Variants in LY6G5B observed in about 807,000 individuals in gnomAD.
The protein encoded by LY6G5B is lymphocyte antigen 6 complex locus protein G5b.
Under a neutral mutation model 6.7 loss-of-function variants are expected in LY6G5B, and 6 were observed. The observed-to-expected ratio is 0.89, with a 90% CI of 0.49 to 1.76. LY6G5B has a LOEUF of 1.76. Among genes scored for constraint, LY6G5B ranks in the 40% most tolerant of loss-of-function variants. The pLI is 0.01. For synonymous variants in LY6G5B, 98 were observed against 99.4 expected (o/e 0.99, Z 0.09); for missense variants, 240 against 249.5 (o/e 0.96, Z 0.26).
chr6:31,672,087 C>T, exon 3 of LY6G5B: 1 of 1,613,076 alleles, frequency 6.2e-7, no homozygotes, highest in Non-Finnish European at 8.5e-7. Context: ...AGTGGTTCTA[C>T]CAGGCCCTGA....
At chr6:31,672,514 T>A in exon 3 of LY6G5B, 1 of 578,328 alleles carries the variant, frequency 1.7e-6, no homozygotes, top group Non-Finnish European at 3.0e-6. Context: ...GCATGATCTC[T>A]GCTCACTACA....
chr6:31,672,101 T>C (rs771598116), exon 3 of LY6G5B: 1 of 1,612,858 alleles, frequency 6.2e-7, no homozygotes, highest in East Asian at 2.2e-5. Context: ...GCCCTGAACC[T>C]CTCCCTGCCC....
chr6:31,670,735 G>A (rs974699944), exon 1 of LY6G5B: 2 of 556,980 alleles, frequency 3.6e-6, no homozygotes, highest in South Asian at 2.7e-5. Context: ...GGAACCAGAC[G>A]TTGTGGGTGA....
chr6:31,671,949 G>A (rs1460863971), exon 3 of LY6G5B: 5 of 1,612,978 alleles, frequency 3.1e-6, no homozygotes, highest in African/African-American at 2.7e-5. Context: ...ACTTTGCAGA[G>A]TACTGGTATC....
At chr6:31,670,562 T>C in exon 1 of LY6G5B, 1 of 214,988 alleles carries the variant, frequency 4.7e-6, no homozygotes, top group East Asian at 1.1e-4. Flanking sequence ...GGCCCTGTTG[T>C]ATGACGAAGA....
Position 31,672,121 on chromosome 6 carries a change from T to G in LY6G5B, c.445T>G (p.Phe149Val), listed in dbSNP as rs1231128655. Reference sequence around the variant, plus strand: ...GAACCTCTCCCTGCCCCTCCCCAATTTCCATGCTGGGACGGAGCCTGATGG... The same window carrying G: ...GAACCTCTCCCTGCCCCTCCCCAATGTCCATGCTGGGACGGAGCCTGATGG... Residue 149 changes from phenylalanine to valine, a missense_variant, in exon 3 of 3, where the codon TTC (phenylalanine) becomes GTC (valine). Phe to Val is a conservative substitution (Grantham distance 50). Transcript: ENST00000375864. 1.2e-6 allele frequency: 2 copies of G among 1,613,060 alleles called. No homozygotes were observed. The highest frequency in any genetic ancestry group is 4.5e-5 in the East Asian group (2 of 44,880).
At chr6:31,672,509 A>T (rs778465451) in exon 3 of LY6G5B, 1 of 590,184 alleles carries the variant, frequency 1.7e-6, no homozygotes, top group South Asian at 2.2e-5. Flanking sequence ...CAGTGGCATG[A>T]TCTCTGCTCA....
rs143276840 is a variant in LY6G5B at position 31,672,421 on chromosome 6, A to G, written c.*139A>G. 2,065 of 985,838 alleles carry G rather than the reference A, an allele frequency of 2.1e-3. 28 individuals are homozygous for G. In the African/African-American group the frequency reaches 0.027, roughly 13 times the overall value. 61.1% of individuals were successfully genotyped at this position (985,838 alleles called of 1,614,324 possible). A position where few individuals can be genotyped will look rare whatever the true frequency, so the allele number is the denominator to read the frequency against. ...ACTAGCATCTATATGACTTTTGTGT[A>G]ATTTTCTCTCTTGAACTCTGGTGCT... On this transcript the variant is annotated 3_prime_UTR_variant, in exon 3 of 3. Coordinates refer to ENST00000375864, the Ensembl canonical transcript of LY6G5B.
In LY6G5B at chr6:31,671,183, ACTTCTGCCTCGTAGAAGACC is replaced by A. The variant is rs922738171; in HGVS notation, c.93_112del (p.Leu32ArgfsTer25). On this transcript the variant is annotated frameshift_variant, in exon 2 of 3. Transcript: ENST00000375864. LOFTEE classifies it high-confidence loss of function. ...CCTGTTCCCGACATCCGGACGTGCC[ACTTCTGCCTCGTAGAAGACC>A]CTTCTGTAGGATGCATTTCAGGCTC... is the stretch of plus-strand genomic sequence containing the variant. The A allele has an allele frequency of 4.0e-5, 65 of 1,613,918 alleles. 1 individual carries two copies. The highest frequency in any genetic ancestry group is 5.2e-5 in the Non-Finnish European group (61 of 1,180,002).
exon 3 of LY6G5B, chr6:31,673,124 G>T (rs1802352268): frequency 6.6e-6 from 1 of 152,052 alleles, no homozygotes; most frequent in Non-Finnish European, 1.5e-5. Flanking sequence ...AAATCAGCTG[G>T]GTGTGGTGGC....
chr6:31,670,966 C>T (rs767240388), exon 1 of LY6G5B: 11 of 1,610,868 alleles, frequency 6.8e-6, no homozygotes, highest in Non-Finnish European at 9.3e-6. Context: ...GGTCCATATG[C>T]TTGTAGGTGT....
At chr6:31,671,906 T>G in exon 3 of LY6G5B, 1 of 1,613,062 alleles carries the variant, frequency 6.2e-7, no homozygotes, top group Non-Finnish European at 8.5e-7. Context: ...GGACAGTACA[T>G]TTCCTACCGC....
exon 3 of LY6G5B, chr6:31,671,940 C>T: frequency 1.2e-6 from 2 of 1,613,124 alleles, no homozygotes; most frequent in Non-Finnish European, 1.7e-6. Flanking sequence ...GCAACACCTA[C>T]TTTGCAGAGT....
exon 1 of LY6G5B, chr6:31,670,937 C>T (rs1370688115): frequency 1.3e-6 from 2 of 1,594,458 alleles, no homozygotes; most frequent in South Asian, 1.1e-5. Context: ...TGCCCATCTC[C>T]CCAGAATTCC....
chr6:31,671,930 G>A, exon 3 of LY6G5B: 8 of 1,613,018 alleles, frequency 5.0e-6, no homozygotes, highest in Non-Finnish European at 6.8e-6. Context: ...CAAGAAAAAC[G>A]CAACACCTAC....
chr6:31,671,376 G>A (rs895388464), intron 2 of LY6G5B, 92 bp downstream of exon 2: 5 of 1,575,390 alleles, frequency 3.2e-6, no homozygotes, highest in South Asian at 1.1e-5. Context: ...CGGGCATGGG[G>A]TACAAGAAGA....
exon 3 of LY6G5B, chr6:31,672,303 T>G (rs1802295898): frequency 1.3e-6 from 2 of 1,599,272 alleles, no homozygotes; most frequent in Non-Finnish European, 1.7e-6. Flanking sequence ...GCAAATATCT[T>G]TCTGTAACAC....
rs746914578 is a variant in LY6G5B, at chr6:31,671,934, C to T, written c.258C>T (p.Asn86=). 2.5e-6 allele frequency: 4 copies of T among 1,613,088 alleles called. No homozygotes were observed. The South Asian group carries it at 4.4e-5, about 18-fold the overall frequency. ...CCTACCGCTGCCAAGAAAAACGCAACACCTACTTTGCAGAGTACTGGTATC... is the reference window on the plus strand; with the variant it reads ...CCTACCGCTGCCAAGAAAAACGCAATACCTACTTTGCAGAGTACTGGTATC... The change falls in exon 3 of 3, where the codon AAC becomes AAT. Residue 86 remains asparagine, a synonymous_variant. Coordinates refer to ENST00000375864, the Ensembl canonical transcript of LY6G5B.
At chr6:31,671,403 C>T in intron 2 of LY6G5B, 119 bp downstream of exon 2, 2 of 1,439,072 alleles carry the variant, frequency 1.4e-6, no homozygotes, top group East Asian at 2.3e-5. Context: ...GGGCTGAGTG[C>T]AATGGCTCAT....
Sources: allele counts gnomAD v4.1 joint callset, GRCh38; gene constraint gnomAD v4.1.1; transcripts MANE v1.5; gene names NCBI Gene and HGNC (gene_info 2026-07-23, HGNC 2026-07-21).